The following AOPEP variants were observed in gnomAD, a reference collection of about 807,000 sequenced individuals.
AOPEP encodes aminopeptidase O (putative), also known as aminopeptidase O.
A neutral mutation model predicts 98.1 loss-of-function variants in AOPEP; 77 were observed. The observed-to-expected ratio is 0.78, with a 90% CI of 0.65 to 0.95. AOPEP has a LOEUF of 0.95. Among genes scored for constraint, AOPEP ranks in the 40% least tolerant of loss-of-function variants. The pLI is 0.00. For synonymous variants in AOPEP, 346 were observed against 365.3 expected (o/e 0.95, Z 0.60); for missense variants, 1,024 against 1,024.7 (o/e 1.00, Z 0.01).
intron 1 of AOPEP, among the ~76,000 whole-genome samples, chr9:94,744,265 G>A (rs1284803001): frequency 2.6e-5 from 4 of 152,080 alleles, no homozygotes; most frequent in South Asian, 2.1e-4. Context: ...GGTGGCAGGC[G>A]CCTGTAGTCC....
intron 7 of AOPEP, chr9:94,933,235 C>T: frequency 1.0e-6 from 1 of 985,600 alleles, no homozygotes; most frequent in Non-Finnish European, 1.2e-6. Context: ...TTCCGAAAGG[C>T]TCGCCATGCC....
intron 1 of AOPEP, among the ~76,000 whole-genome samples, chr9:94,756,845 A>G (rs975543799): frequency 6.6e-6 from 1 of 151,718 alleles, no homozygotes; most frequent in Non-Finnish European, 1.5e-5. Flanking sequence ...GAGGGAGGCT[A>G]CCCCCCGTTC....
At chr9:95,133,050 A>G in the AOPEP span, among the ~76,000 whole-genome samples, 2 of 152,212 alleles carry the variant, frequency 1.3e-5, no homozygotes, top group Non-Finnish European at 2.9e-5. Context: ...GTGCTATCTG[A>G]GTCTTAGAGA....
intron 13 of AOPEP, among the ~76,000 whole-genome samples, chr9:95,050,839 G>T (rs564202862): frequency 1.1e-3 from 169 of 152,316 alleles, no homozygotes; most frequent in Non-Finnish European, 1.5e-3. Flanking sequence ...CACAAGAAAG[G>T]ACAGGAACTG....
At chr9:95,136,352 C>A in the AOPEP span, among the ~76,000 whole-genome samples, 3 of 152,056 alleles carry the variant, frequency 2.0e-5, no homozygotes, top group Admixed American at 6.5e-5. Flanking sequence ...CACTGCACTC[C>A]AACCTGGGCA....
chr9:94,760,926 G>A (rs1838131981), intron 2 of AOPEP, among the ~76,000 whole-genome samples: 1 of 152,190 alleles, frequency 6.6e-6, no homozygotes, highest in South Asian at 2.1e-4. Context: ...ATACGTCTCC[G>A]AGTGAATACT....
At chr9:94,735,211 G>A (rs1218716725) in intron 1 of AOPEP, among the ~76,000 whole-genome samples, 2 of 152,094 alleles carry the variant, frequency 1.3e-5, no homozygotes, top group Non-Finnish European at 2.9e-5. Flanking sequence ...ATCCTTGCAT[G>A]TCCAAGAATC....
At chr9:94,911,666 A>G (rs2052057204) in intron 5 of AOPEP, among the ~76,000 whole-genome samples, 2 of 152,226 alleles carry the variant, frequency 1.3e-5, no homozygotes, top group South Asian at 4.2e-4. Context: ...GCTTTTCTCA[A>G]GAGATTTTAA....
chr9:94,952,850 C>T (rs1204499497), intron 7 of AOPEP, among the ~76,000 whole-genome samples: 3 of 152,190 alleles, frequency 2.0e-5, no homozygotes, highest in African/African-American at 7.2e-5. Flanking sequence ...GAAGAATTTT[C>T]TTGAGCACTT....
At chr9:94,797,046 T>C (rs868377945) in intron 4 of AOPEP, among the ~76,000 whole-genome samples, 1 of 152,222 alleles carries the variant, frequency 6.6e-6, no homozygotes, top group Non-Finnish European at 1.5e-5. Flanking sequence ...ACAGGTCTTC[T>C]TTAGAGTTGT....
chr9:95,086,240 G>A (rs73528445), intron 16 of AOPEP: 24,643 of 1,247,766 alleles, frequency 0.02, 321 homozygotes, highest in Middle Eastern at 0.046. Flanking sequence ...GTGCTCCTGC[G>A]GCGTGGGGGT....
chr9:94,882,603 C>A (rs755425136), intron 5 of AOPEP, among the ~76,000 whole-genome samples: 16 of 152,276 alleles, frequency 1.1e-4, no homozygotes, highest in South Asian at 4.1e-4. Flanking sequence ...TGTTGAAACC[C>A]AGTCTCTACT....
intron 10 of AOPEP, among the ~76,000 whole-genome samples, chr9:94,974,217 C>T (rs2059700490): frequency 6.6e-6 from 1 of 152,178 alleles, no homozygotes; most frequent in South Asian, 2.1e-4. Context: ...TTTTTGTTAG[C>T]AGCTGGAATT....
chr9:94,921,400 AT>A (rs1422572123), intron 5 of AOPEP: 1 of 152,254 alleles, frequency 6.6e-6, no homozygotes, highest in African/African-American at 2.4e-5. Context: ...ACATGGGTAG[AT>A]TACCTGTTGG....
rs2047934742 is a variant in AOPEP at position 94,884,337 on chromosome 9, T to C, written c.1365-39649T>C. On this transcript the variant is annotated intron_variant, in intron 5 of 16. Transcript: ENST00000375315. The stretch of plus-strand genomic sequence containing the variant: ...AACCCAAGATAGCTATTCTACCAGC[T>C]AAGGAATGAGTTTGTACGGAATTGG... Among the ~76,000 whole-genome samples, 2 of 152,170 alleles carry C rather than the reference T, an allele frequency of 1.3e-5. 1 individual carries two copies. Among genetic ancestry groups the C allele is most frequent in the African/African-American group, 4.8e-5 (2 of 41,422 alleles).
intron 13 of AOPEP, among the ~76,000 whole-genome samples, chr9:95,057,772 T>G (rs1334645792): frequency 6.6e-6 from 1 of 152,186 alleles, no homozygotes; most frequent in Non-Finnish European, 1.5e-5. Flanking sequence ...TAGTTACAAC[T>G]AAAAGCCAGG....
chr9:95,110,311 A>G, the AOPEP span: 30 of 1,015,420 alleles, frequency 3.0e-5, no homozygotes, highest in Non-Finnish European at 3.5e-5. Flanking sequence ...AATTGAACAC[A>G]TATCTACCAA....
chr9:94,795,252 A>G (rs1846660752), intron 4 of AOPEP, among the ~76,000 whole-genome samples: 1 of 152,182 alleles, frequency 6.6e-6, no homozygotes, highest in East Asian at 1.9e-4. Context: ...TGTATGTAAC[A>G]TTAATGCCTC....
In AOPEP at chr9:95,036,785, C is replaced by T. The variant is rs2064874838; in HGVS notation, c.2116-23909C>T. On this transcript the variant is annotated intron_variant, in intron 13 of 16. Transcript: ENST00000375315. ...CAGCTGAGAGATGGAGGGACAGCTG[C>T]TGCCTGGGCACCTTGGCTTAAAGTC... Among the ~76,000 whole-genome samples, 4 of 149,226 alleles carry T rather than the reference C, an allele frequency of 2.7e-5. No individual in the cohort carries two copies. The Admixed American group carries it at 2.7e-4, about 10-fold the overall frequency.
Sources: allele counts gnomAD v4.1 joint callset (sites outside exome capture counted in the v4.1 genomes callset), GRCh38; gene constraint gnomAD v4.1.1; transcripts MANE v1.5; gene names NCBI Gene and HGNC (gene_info 2026-07-23, HGNC 2026-07-21).